The following CALD1 variants were observed in gnomAD, a reference collection of about 807,000 sequenced individuals.
The protein encoded by CALD1 is caldesmon 1.
Under a neutral mutation model 99.9 loss-of-function variants are expected in CALD1, and 33 were observed. That is an observed-to-expected ratio of 0.33 (90% confidence interval 0.25 to 0.44). CALD1 has a LOEUF of 0.44. Ranked by LOEUF, CALD1 falls within the 20% of genes least tolerant of loss-of-function variation. The probability of loss-of-function intolerance (pLI) is 1.00; values close to 1 mark genes in which losing one functional copy is unlikely to be tolerated. For synonymous variants in CALD1, 310 were observed against 325.0 expected (o/e 0.95, Z 0.50); for missense variants, 861 against 962.1 (o/e 0.89, Z 1.39).
At chr7:134,711,680 A>ATGTGTGTGTGTG in the CALD1 span, among the ~76,000 whole-genome samples, 2 of 109,586 alleles carry the variant, frequency 1.8e-5, no homozygotes, top group Admixed American at 2.0e-4. Flanking sequence ...ATATATATAT[A>ATGTGTGTGTGTG]TGTGTGTGTG....
intron 3 of CALD1, chr7:134,868,336 G>A (rs1402158588): frequency 6.6e-6 from 1 of 152,316 alleles, no homozygotes; most frequent in Non-Finnish European, 1.5e-5. Flanking sequence ...GGTGTAACTG[G>A]AAGCTGTTAA....
chr7:134,887,564 T>G (rs117762843), intron 3 of CALD1, among the ~76,000 whole-genome samples: 163 of 152,338 alleles, frequency 1.1e-3, no homozygotes, highest in Non-Finnish European at 1.8e-3. Context: ...AGTAAGTGAA[T>G]GGCTCTGTGC....
intron 14 of CALD1, among the ~76,000 whole-genome samples, chr7:134,967,721 A>G (rs1015817503): frequency 1.3e-5 from 2 of 152,210 alleles, no homozygotes; most frequent in African/African-American, 4.8e-5. Flanking sequence ...TAAAAATGAA[A>G]AAAACAAAGC....
intron 3 of CALD1, among the ~76,000 whole-genome samples, chr7:134,879,770 G>GCTTA (rs1262330916): frequency 6.6e-6 from 1 of 152,030 alleles, no homozygotes; most frequent in Non-Finnish European, 1.5e-5. Context: ...TTTTTACTGG[G>GCTTA]CTTACTTCTA....
chr7:134,814,167 C>T (rs1368381952), intron 1 of CALD1, among the ~76,000 whole-genome samples: 4 of 152,124 alleles, frequency 2.6e-5, no homozygotes, highest in South Asian at 2.1e-4. Flanking sequence ...GAGACAATTG[C>T]GTCTACTTCC....
At chr7:134,922,719 AAT>A (rs1804706926) in intron 3 of CALD1, among the ~76,000 whole-genome samples, 1 of 152,178 alleles carries the variant, frequency 6.6e-6, no homozygotes, top group South Asian at 2.1e-4. Flanking sequence ...GGCCCTTCCA[AAT>A]GTAATAACAT....
intron 3 of CALD1, among the ~76,000 whole-genome samples, chr7:134,884,634 C>CA (rs11449787): frequency 0.88 from 126,649 of 144,528 alleles, 56,281 homozygotes; most frequent in East Asian, 0.99. Context: ...ATGAATACTC[C>CA]AAAAAAAAAA....
chr7:134,714,194 A>G, the CALD1 span, among the ~76,000 whole-genome samples: 2 of 152,168 alleles, frequency 1.3e-5, no homozygotes, highest in Admixed American at 6.5e-5. Context: ...CCGTGAGCCA[A>G]TTAAACCTCT....
At position 134,779,695 on chromosome 7, in the gene CALD1, G is replaced by T; in HGVS notation, c.-184G>T. On this transcript the variant is annotated 5_prime_UTR_variant, in exon 1 of 15. Coordinates refer to ENST00000361675, the MANE Select transcript of CALD1 (RefSeq NM_033138.4). ...CTCTCTGGCTGTGCTCCTGCTTAAA[G>T]AAATCAGTCCTTCCTTTCCGACTTA... The T allele has an allele frequency of 2.5e-6, 1 of 398,782 alleles. No individual in the cohort carries two copies. Among genetic ancestry groups the T allele is most frequent in the Non-Finnish European group, 4.4e-6 (1 of 226,216 alleles). The allele number at this position is 398,782 out of a possible 1,614,324, so 24.7% of individuals were successfully genotyped here.
upstream of CALD1, among the ~76,000 whole-genome samples, chr7:134,778,639 C>T (rs1796981212): frequency 6.6e-6 from 1 of 152,202 alleles, no homozygotes; most frequent in Admixed American, 6.5e-5. Context: ...TTAGCATCTA[C>T]TAATTCTGAC....
In CALD1 at chr7:134,965,509, G is replaced by C. The variant is rs2133292535; in HGVS notation, c.2376+123G>C. The C allele has an allele frequency of 4.5e-6, 3 of 669,420 alleles. No individual in the cohort carries two copies. The South Asian group carries it at 5.0e-5, about 11-fold the overall frequency. 41.5% of individuals were successfully genotyped at this position (669,420 alleles called of 1,614,324 possible). A position where few individuals can be genotyped will look rare whatever the true frequency, so the allele number is the denominator to read the frequency against. On this transcript the variant is annotated intron_variant, in intron 14 of 14. Coordinates refer to ENST00000361675, the MANE Select transcript of CALD1 (RefSeq NM_033138.4). ...CAGATCTTTGCCTGCACACCCATCA[G>C]TGTCTAAAAGACCAGTACATAACAC...
chr7:134,849,198 G>T (rs561826992), intron 2 of CALD1, among the ~76,000 whole-genome samples: 1 of 152,002 alleles, frequency 6.6e-6, no homozygotes, highest in Admixed American at 6.6e-5. Context: ...TTTATTATGC[G>T]GTTTATAGGC....
At position 134,899,207 on chromosome 7, in the gene CALD1, CT is replaced by C. The variant is rs981812367; in HGVS notation, c.72-29531del. Among the ~76,000 whole-genome samples the C allele has an allele frequency of 4.9e-3, 673 of 137,904 alleles. 3 individuals are homozygous for C. Among genetic ancestry groups the C allele is most frequent in the Admixed American group, 6.5e-3 (90 of 13,894 alleles). The allele number at this position is 137,904 out of a possible 152,430, so 90.5% of individuals were successfully genotyped here. On this transcript the variant is annotated intron_variant, in intron 3 of 14. Coordinates refer to ENST00000361675, the MANE Select transcript of CALD1 (RefSeq NM_033138.4). The stretch of plus-strand genomic sequence containing the variant: ...TTAGAACAAATGCTTCTTTCTTTTT[CT>C]TTTTTTTTTTTTTTTGAGATAGAGT...
At chr7:134,833,403 T>C (rs1487714095) in intron 1 of CALD1, among the ~76,000 whole-genome samples, 2 of 152,344 alleles carry the variant, frequency 1.3e-5, no homozygotes, top group East Asian at 1.9e-4. Flanking sequence ...TTAAAAAAGA[T>C]AGCAGCTTGG....
chr7:134,780,058 A>T (rs1427001011), intron 1 of CALD1, among the ~76,000 whole-genome samples: 1 of 152,222 alleles, frequency 6.6e-6, no homozygotes, highest in Non-Finnish European at 1.5e-5. Flanking sequence ...ATATGAGATT[A>T]TACCTGATAT....
At chr7:134,735,565 C>CTGTGTGTGTGTGTG in the CALD1 span, among the ~76,000 whole-genome samples, 1 of 121,336 alleles carries the variant, frequency 8.2e-6, no homozygotes, top group African/African-American at 3.1e-5. Flanking sequence ...CCACTACCCT[C>CTGTGTGTGTGTGTG]TGTGTGTGTG....
At chr7:134,841,888 T>C (rs1227971042) in intron 1 of CALD1, among the ~76,000 whole-genome samples, 1 of 152,186 alleles carries the variant, frequency 6.6e-6, no homozygotes, top group African/African-American at 2.4e-5. Flanking sequence ...ACCAGGCTTC[T>C]CAAGGGCTCT....
rs538167311 is a variant in CALD1 at position 134,840,801 on chromosome 7, A to G, written c.-129-3083A>G. Reference sequence around the variant, plus strand: ...CTTACTTCCAAGTGGGGATAATAAAAAACAACTAGTTTCACAGTTTTCTTG... The same window carrying G: ...CTTACTTCCAAGTGGGGATAATAAAGAACAACTAGTTTCACAGTTTTCTTG... On this transcript the variant is annotated intron_variant, in intron 1 of 14. Coordinates refer to ENST00000361675, the MANE Select transcript of CALD1 (RefSeq NM_033138.4). 2.6e-5 allele frequency among the ~76,000 whole-genome samples: 4 copies of G among 152,364 alleles called. No homozygotes were observed. The East Asian group carries it at 7.7e-4, about 29-fold the overall frequency.
chr7:134,745,454 T>C (rs964734889), intron 1 of CALD1: 1 of 152,224 alleles, frequency 6.6e-6, no homozygotes, highest in Non-Finnish European at 1.5e-5. Context: ...GTTGAAAATA[T>C]CAAGCTGTTT....
Sources: gnomAD v4.1 joint callset for allele counts (sites outside exome capture counted in the v4.1 genomes callset) on GRCh38, gnomAD v4.1.1 for gene constraint, MANE v1.5 for transcripts, NCBI Gene and HGNC (gene_info 2026-07-23, HGNC 2026-07-21) for gene names.